The following TEX14 variants were observed in gnomAD, a reference collection of about 807,000 sequenced individuals.
The protein encoded by TEX14 is testis expressed 14, intercellular bridge forming factor, also known as inactive serine/threonine-protein kinase TEX14.
In TEX14, 168 loss-of-function variants were observed where a neutral mutation model predicts 178.6. The ratio of observed to expected loss-of-function variants is 0.94; its 90% CI spans 0.83 to 1.07. The LOEUF (loss-of-function observed/expected upper bound fraction) is 1.07, where lower values mean the gene tolerates loss of function less well. Ranked by LOEUF, TEX14 falls within the 50% of genes least tolerant of loss-of-function variation. The probability of loss-of-function intolerance (pLI) is 0.00; values close to 1 mark genes in which losing one functional copy is unlikely to be tolerated. For synonymous variants in TEX14, 626 were observed against 634.1 expected (o/e 0.99, Z 0.19); for missense variants, 1,730 against 1,753.6 (o/e 0.99, Z 0.24).
At chr17:58,578,246 G>A (rs2044726925) in intron 20 of TEX14, among the ~76,000 whole-genome samples, 2 of 152,134 alleles carry the variant, frequency 1.3e-5, no homozygotes, top group Non-Finnish European at 2.9e-5. Context: ...GACATTGGGG[G>A]TTCCTCTTCC....
intron 1 of TEX14, among the ~76,000 whole-genome samples, chr17:58,663,042 G>A (rs1020437214): frequency 6.6e-6 from 1 of 151,608 alleles, no homozygotes; most frequent in African/African-American, 2.4e-5. Context: ...CCGGGAGGCA[G>A]AGGTTGCAGT....
chr17:58,601,995 T>C (rs2045463685), intron 12 of TEX14, 39 bp from the exon 13 acceptor site: 1 of 1,605,080 alleles, frequency 6.2e-7, no homozygotes, highest in African/African-American at 1.3e-5. Flanking sequence ...ATAGTCTCAG[T>C]CATCCTGAAT....
At chr17:58,628,992 T>C (rs995244039) in intron 3 of TEX14, among the ~76,000 whole-genome samples, 1 of 152,154 alleles carries the variant, frequency 6.6e-6, no homozygotes, top group African/African-American at 2.4e-5. Context: ...TTGTTCATAT[T>C]CTAGCATTCC....
At chr17:58,586,933 G>A (rs1031452859) in intron 17 of TEX14, among the ~76,000 whole-genome samples, 2 of 152,142 alleles carry the variant, frequency 1.3e-5, no homozygotes, top group Non-Finnish European at 2.9e-5. Flanking sequence ...ACTCTGCAAT[G>A]GAATGGTGTC....
At chr17:58,612,216 A>G (rs1007165556) in intron 9 of TEX14, among the ~76,000 whole-genome samples, 9 of 152,180 alleles carry the variant, frequency 5.9e-5, no homozygotes, top group Non-Finnish European at 8.8e-5. Flanking sequence ...AGGAAAATAA[A>G]GCCAGTGGCT....
At chr17:58,628,513 C>T (rs1183602106) in intron 3 of TEX14, among the ~76,000 whole-genome samples, 1 of 152,072 alleles carries the variant, frequency 6.6e-6, no homozygotes, top group East Asian at 1.9e-4. Context: ...GAGATGGAGA[C>T]CATCCTAGCT....
chr17:58,677,922 C>T (rs1212642981), intron 1 of TEX14, among the ~76,000 whole-genome samples: 1 of 152,212 alleles, frequency 6.6e-6, no homozygotes, highest in East Asian at 1.9e-4. Context: ...GAGGCCAAGG[C>T]AGGCAGATCA....
At chr17:58,660,726 G>GT in intron 1 of TEX14, 1 of 781,354 alleles carries the variant, frequency 1.3e-6, no homozygotes, top group Non-Finnish European at 2.4e-6. Flanking sequence ...AATTCTTCTG[G>GT]TGTTGCCTTG....
At chr17:58,656,036 C>A (rs1188821551) in intron 1 of TEX14, among the ~76,000 whole-genome samples, 1 of 152,178 alleles carries the variant, frequency 6.6e-6, no homozygotes, top group African/African-American at 2.4e-5. Flanking sequence ...CGCGATGGCT[C>A]ACACCTGTAA....
chr17:58,629,940 G>GTTT, intron 3 of TEX14, among the ~76,000 whole-genome samples: 1 of 136,480 alleles, frequency 7.3e-6, no homozygotes, highest in East Asian at 2.2e-4. Context: ...TTTTGACGGA[G>GTTT]TTTTGCTCTT....
intron 2 of TEX14, among the ~76,000 whole-genome samples, chr17:58,632,158 T>C (rs2046336074): frequency 6.6e-6 from 1 of 152,236 alleles, no homozygotes; most frequent in African/African-American, 2.4e-5. Flanking sequence ...TCAGGGAAAC[T>C]GCCCGGTTTG....
chr17:58,666,904 C>T (rs1336683441), intron 1 of TEX14, among the ~76,000 whole-genome samples: 1 of 152,180 alleles, frequency 6.6e-6, no homozygotes, highest in Non-Finnish European at 1.5e-5. Context: ...AATCTACATA[C>T]TCCACCTCCC....
At chr17:58,666,820 T>A (rs2047221170) in intron 1 of TEX14, 2 of 152,218 alleles carry the variant, frequency 1.3e-5, no homozygotes, top group South Asian at 4.1e-4. Context: ...ACAGATTTTT[T>A]ATACTATATC....
chr17:58,683,774 A>G (rs1473328457), intron 1 of TEX14, among the ~76,000 whole-genome samples: 21 of 126,834 alleles, frequency 1.7e-4, no homozygotes, highest in African/African-American at 5.8e-4. Context: ...AAAAAAAAAA[A>G]AGAGAGACTT....
chr17:58,607,315 C>G (rs892722648), intron 10 of TEX14, among the ~76,000 whole-genome samples: 9 of 152,152 alleles, frequency 5.9e-5, no homozygotes. Context: ...CATTCACAGA[C>G]CCTTGGTTAC....
intron 1 of TEX14, among the ~76,000 whole-genome samples, chr17:58,658,619 G>C (rs1057134606): frequency 9.9e-5 from 15 of 151,926 alleles, no homozygotes; most frequent in Non-Finnish European, 1.5e-5. Context: ...TCAAACTCCT[G>C]ACTTCAAGTG....
chr17:58,588,058 G>T, intron 15 of TEX14, 37 bp from the exon 16 acceptor site: 1 of 817,318 alleles, frequency 1.2e-6, no homozygotes. Flanking sequence ...AGATCTCTAA[G>T]AGTATTTTTA....
At chr17:58,684,056 G>A (rs11653526) in intron 1 of TEX14, among the ~76,000 whole-genome samples, 13,789 of 151,762 alleles carry the variant, frequency 0.091, 896 homozygotes, top group East Asian at 0.31. Flanking sequence ...AGAGCGATAG[G>A]ACCTACATAT....
chr17:58,570,854 C>A (rs1227205408), intron 24 of TEX14, among the ~76,000 whole-genome samples: 1 of 152,050 alleles, frequency 6.6e-6, no homozygotes, highest in Non-Finnish European at 1.5e-5. Flanking sequence ...TGGTCTCAAA[C>A]TCCTGATCTC....
Sources: allele counts gnomAD v4.1 joint callset (sites outside exome capture counted in the v4.1 genomes callset), GRCh38; gene constraint gnomAD v4.1.1; transcripts MANE v1.5; gene names NCBI Gene and HGNC (gene_info 2026-07-23, HGNC 2026-07-21).